ZC3H12B: variants seen among roughly 807,000 people sequenced by gnomAD.
The protein encoded by ZC3H12B is zinc finger CCCH-type containing 12B.
In ZC3H12B, 7 loss-of-function variants were observed where a neutral mutation model predicts 43.9. The ratio of observed to expected loss-of-function variants is 0.16; its 90% CI spans 0.09 to 0.30. ZC3H12B has a LOEUF of 0.30. ZC3H12B is among the 10% of genes least tolerant of loss of function. The pLI, the probability that ZC3H12B is intolerant of heterozygous loss-of-function variation, is 1.00. For missense variants in ZC3H12B, 475 were observed against 670.2 expected, an observed-to-expected ratio of 0.71 and a Z score of 3.22; for synonymous variants, 222 against 241.7, an observed-to-expected ratio of 0.92 and a Z score of 0.76.
the ZC3H12B span, among the ~76,000 whole-genome samples, chrX:65,335,984 T>C: frequency 8.9e-6 from 1 of 111,820 alleles, no homozygotes; most frequent in Non-Finnish European, 1.9e-5. Flanking sequence ...GCATAGTTTG[T>C]AACTGACCAG....
the ZC3H12B span, among the ~76,000 whole-genome samples, chrX:65,077,671 T>C: frequency 6.2e-5 from 7 of 112,138 alleles, no homozygotes; most frequent in Admixed American, 6.6e-4. Flanking sequence ...CTCCACTAGG[T>C]CTCTGTTGGG....
At chrX:65,372,508 G>A (rs2066260358) in intron 2 of ZC3H12B, among the ~76,000 whole-genome samples, 1 of 91,480 alleles carries the variant, frequency 1.1e-5, no homozygotes, top group Admixed American at 1.2e-4. Flanking sequence ...AGGAAAGGAA[G>A]GAAGGAAGGA....
At chrX:65,122,455 G>A in the ZC3H12B span, among the ~76,000 whole-genome samples, 4 of 111,033 alleles carry the variant, frequency 3.6e-5, no homozygotes, top group Non-Finnish European at 7.6e-5. Flanking sequence ...GACCATCGAG[G>A]CTAGGAGGAA....
chrX:65,369,797 C>G (rs1602329306), intron 2 of ZC3H12B, among the ~76,000 whole-genome samples: 1 of 111,606 alleles, frequency 9.0e-6, no homozygotes. Context: ...AGAATCAAGC[C>G]TTTCCAACTT....
the ZC3H12B span, among the ~76,000 whole-genome samples, chrX:65,056,560 T>C: frequency 9.8e-5 from 11 of 112,024 alleles, no homozygotes; most frequent in African/African-American, 3.6e-4. Flanking sequence ...GAAGAATGTA[T>C]ATTCTGTTGA....
rs765686680 is a variant in ZC3H12B at position 65,437,307 on chromosome X, C to G, written n.407+38603C>G. ...CATCCCCACTCCCCTGCTCTATACC[C>G]TTCCCAACCCCTGATAATAATTCTT... On this transcript the variant is annotated intron_variant and non_coding_transcript_variant, in intron 3 of 5. Transcript: ENST00000617377. 7.2e-5 allele frequency among the ~76,000 whole-genome samples: 8 copies of G among 111,715 alleles called. 1 individual carries two copies. In the East Asian group the frequency reaches 2.2e-3, roughly 31 times the overall value.
intron 3 of ZC3H12B, among the ~76,000 whole-genome samples, chrX:65,450,701 GTA>G (rs1216576454): frequency 3.7e-5 from 1 of 26,671 alleles, no homozygotes. Flanking sequence ...ATACATATGT[GTA>G]TATATGTATA....
the ZC3H12B span, among the ~76,000 whole-genome samples, chrX:65,244,424 T>G: frequency 1.8e-5 from 2 of 110,249 alleles, no homozygotes; most frequent in Admixed American, 9.7e-5. Context: ...GACTTGCTCA[T>G]CACAGAGTTG....
chrX:65,160,107 T>G, the ZC3H12B span, among the ~76,000 whole-genome samples: 2 of 111,998 alleles, frequency 1.8e-5, no homozygotes, highest in African/African-American at 6.5e-5. Context: ...ATCCCAGGGA[T>G]GAAACCCACT....
At chrX:65,490,408 G>A (rs1234209043) in intron 1 of ZC3H12B, among the ~76,000 whole-genome samples, 1 of 106,196 alleles carries the variant, frequency 9.4e-6, no homozygotes, top group Non-Finnish European at 1.9e-5. Context: ...AAAAGAATGT[G>A]GGTGGCTTCT....
chrX:65,035,633 G>A, the ZC3H12B span, among the ~76,000 whole-genome samples: 1 of 110,877 alleles, frequency 9.0e-6, no homozygotes, highest in African/African-American at 3.3e-5. Context: ...TCTCTCAGGA[G>A]GCTCAGCCTG....
intron 2 of ZC3H12B, among the ~76,000 whole-genome samples, chrX:65,383,588 C>T (rs1179654868): frequency 3.6e-5 from 4 of 111,170 alleles, no homozygotes; most frequent in African/African-American, 6.5e-5. Context: ...GCAACAAAAG[C>T]CAAAATTGAC....
chrX:65,392,034 C>T lies in ZC3H12B; in HGVS notation n.296-6559C>T, dbSNP rs770104382. On this transcript the variant is annotated intron_variant and non_coding_transcript_variant, in intron 2 of 5. Coordinates refer to the ZC3H12B transcript ENST00000617377. The stretch of plus-strand genomic sequence containing the variant: ...TGCCTGCCTCAGCCTCCCGAGGTGC[C>T]GGGATTGCAGATGGAGTCTCGCTCA... Among the ~76,000 whole-genome samples the T allele has an allele frequency of 1.4e-4, 16 of 111,634 alleles. No homozygotes were observed. In the South Asian group the frequency reaches 1.9e-3, roughly 13 times the overall value.
At chrX:65,188,434 CAG>C in the ZC3H12B span, among the ~76,000 whole-genome samples, 3 of 101,697 alleles carry the variant, frequency 2.9e-5, 1 homozygote, top group Non-Finnish European at 5.9e-5. Context: ...TTCTCACTAA[CAG>C]TGTACAACGT....
At chrX:65,181,181 G>A in the ZC3H12B span, among the ~76,000 whole-genome samples, 4 of 111,724 alleles carry the variant, frequency 3.6e-5, no homozygotes, top group Non-Finnish European at 7.5e-5. Context: ...TAATGGTGCT[G>A]GGAAAACTGG....
chrX:65,215,358 A>T, the ZC3H12B span, among the ~76,000 whole-genome samples: 1 of 111,788 alleles, frequency 8.9e-6, no homozygotes, highest in South Asian at 3.7e-4. Context: ...TGTAGCCACC[A>T]TCATCTATTA....
chrX:65,192,935 A>G, the ZC3H12B span, among the ~76,000 whole-genome samples: 1 of 110,125 alleles, frequency 9.1e-6, no homozygotes, highest in Non-Finnish European at 1.9e-5. Flanking sequence ...CACCACCCCC[A>G]GCTAATTTTT....
the ZC3H12B span, among the ~76,000 whole-genome samples, chrX:65,348,600 C>T: frequency 9.6e-6 from 1 of 104,507 alleles, no homozygotes; most frequent in African/African-American, 3.5e-5. Flanking sequence ...CCATCAGTGT[C>T]CTGTATTCAG....
chrX:65,230,681 A>G, the ZC3H12B span, among the ~76,000 whole-genome samples: 1 of 110,528 alleles, frequency 9.0e-6, no homozygotes, highest in Non-Finnish European at 1.9e-5. Flanking sequence ...TATTATATTC[A>G]GCGTTTTTCT....
Sources: gnomAD v4.1 joint callset for allele counts (sites outside exome capture counted in the v4.1 genomes callset) on GRCh38, gnomAD v4.1.1 for gene constraint, MANE v1.5 for transcripts, NCBI Gene and HGNC (gene_info 2026-07-23, HGNC 2026-07-21) for gene names.